ALPK3: variants seen among roughly 807,000 people sequenced by gnomAD.
The protein encoded by ALPK3 is alpha-protein kinase 3.
A neutral mutation model predicts 140.0 loss-of-function variants in ALPK3; 102 were observed. The observed-to-expected ratio is 0.73, with a 90% CI of 0.62 to 0.86. The LOEUF (loss-of-function observed/expected upper bound fraction) is 0.86, where lower values mean the gene tolerates loss of function less well. ALPK3 is among the 40% of genes least tolerant of loss of function. ALPK3 has a pLI of 0.00. For missense variants in ALPK3, 2,254 were observed against 2,208.2 expected (o/e 1.02, Z -0.42); for synonymous variants, 938 against 898.5 (o/e 1.04, Z -0.79).
chr15:84,837,609 A>C (rs1333046283), intron 3 of ALPK3, among the ~76,000 whole-genome samples: 1 of 152,232 alleles, frequency 6.6e-6, no homozygotes, highest in Non-Finnish European at 1.5e-5. Context: ...GTATGTTAGC[A>C]GTCTCATATC....
chr15:84,862,964 C>T (rs1175226529), intron 10 of ALPK3, 49 bp downstream of exon 10: 1 of 1,580,528 alleles, frequency 6.3e-7, no homozygotes. Context: ...CTCACCCCCT[C>T]CCCTTTCCCA....
chr15:84,848,031 C>G (rs973235497), intron 5 of ALPK3, among the ~76,000 whole-genome samples: 3 of 148,510 alleles, frequency 2.0e-5, no homozygotes, highest in African/African-American at 7.5e-5. Context: ...CACTGTACTC[C>G]AGCCTGGGTG....
intron 1 of ALPK3, among the ~76,000 whole-genome samples, chr15:84,820,861 C>T (rs537324173): frequency 3.3e-4 from 50 of 152,124 alleles, no homozygotes; most frequent in Non-Finnish European, 4.4e-4. Flanking sequence ...TGGGCTCCAG[C>T]GATCCTCTTA....
rs757030622 is a variant in ALPK3 at position 84,864,494 on chromosome 15, A to T, written c.4552A>T (p.Thr1518Ser). The T allele has an allele frequency of 1.2e-6, 2 of 1,613,958 alleles. No homozygotes were observed. The highest frequency in any genetic ancestry group is 3.3e-5 in the Admixed American group (2 of 59,996). ...YRPANNIPYA[T>S]LEEDLGKPLE... is the part of the protein sequence containing the mutation. ...GCCTGCAAACAATATCCCATATGCT[A>T]CCCTGGAGGAAGACCTGGGCAAGCC... is the stretch of plus-strand genomic sequence containing the variant. The change falls in exon 12 of 14, where the codon ACC (threonine) becomes TCC (serine). Residue 1518 changes from threonine to serine, a missense_variant. Around this residue, in one of 3 missense-constraint regions of ALPK3, gnomAD observed 2,088 missense variants for 2,022.9 expected, o/e 1.03. Coordinates refer to ENST00000258888, the MANE Select transcript of ALPK3 (RefSeq NM_020778.5).
At position 84,858,202 on chromosome 15, in the gene ALPK3, C is replaced by T. The variant is rs1239685340; in HGVS notation, c.3464C>T (p.Thr1155Ile). 1.9e-6 allele frequency: 3 copies of T among 1,612,730 alleles called. No individual in the cohort carries two copies. Among genetic ancestry groups the T allele is most frequent in the East Asian group, 2.2e-5 (1 of 44,782 alleles). ...GEALTGLPAATPEELALGARR... is the reference protein window; with the variant it reads ...GEALTGLPAAIPEELALGARR... Reference sequence around the variant, plus strand: ...GCTCTGACAGGTCTCCCGGCAGCTACACCTGAGGAACTGGCTCTAGGGGCC... The same window carrying T: ...GCTCTGACAGGTCTCCCGGCAGCTATACCTGAGGAACTGGCTCTAGGGGCC... Residue 1155 changes from threonine (T) to isoleucine (I), a missense_variant, in exon 6 of 14, where the codon ACA becomes ATA. Physicochemically the swap from Thr to Ile is moderately conservative, Grantham distance 89. Around this residue, in one of 3 missense-constraint regions of ALPK3, gnomAD observed 2,088 missense variants for 2,022.9 expected, o/e 1.03. Coordinates refer to ENST00000258888, the MANE Select transcript of ALPK3 (RefSeq NM_020778.5).
Position 84,868,153 on chromosome 15 carries a change from C to A in ALPK3, c.4815C>A (p.Asp1605Glu). ...LKESCFPALLDRFASSHQCNA... is the reference protein window; with the variant it reads ...LKESCFPALLERFASSHQCNA... ...AAAGCTGCTTCCCTGCCCTGCTGGA[C>A]CGGTTCGCCTCCTCCCACCAGTGCA... The change falls in exon 14 of 14, where the codon GAC becomes GAA. Residue 1605 changes from aspartate to glutamate, a missense_variant. By Grantham distance (45) the Asp-to-Glu change is conservative. This residue lies in a region of ALPK3 where 158 missense variants were observed against 159.8 expected (regional missense o/e 0.99). Transcript: ENST00000258888. 6.2e-7 allele frequency: 1 copy of A among 1,613,838 alleles called. No homozygotes were observed. Among genetic ancestry groups the A allele is most frequent in the Non-Finnish European group, 8.5e-7 (1 of 1,179,796 alleles).
chr15:84,839,871 CA>C lies in ALPK3; in HGVS notation c.593del (p.Gln198ArgfsTer30). The C allele has an allele frequency of 6.2e-7, 1 of 1,614,100 alleles. No homozygotes were observed. Among genetic ancestry groups the C allele is most frequent in the Non-Finnish European group, 8.5e-7 (1 of 1,180,026 alleles). ...KAAAKLREIE[Q>X]SWKHEKAVPG... ...TGCGGCAAAGCTGCGCGAGATCGAGCAGAGCTGGAAGCACGAGAAGGCGGTG... is the reference window on the plus strand; with the variant it reads ...TGCGGCAAAGCTGCGCGAGATCGAGCGAGCTGGAAGCACGAGAAGGCGGTG... On this transcript the variant is annotated frameshift_variant, in exon 5 of 14. Coordinates refer to ENST00000258888, the MANE Select transcript of ALPK3 (RefSeq NM_020778.5). LOFTEE classifies it high-confidence loss of function.
chr15:84,841,047 G>A, intron 5 of ALPK3, 115 bp downstream of exon 5: 1 of 1,355,410 alleles, frequency 7.4e-7, no homozygotes, highest in Non-Finnish European at 9.7e-7. Context: ...AAAGGGGTGG[G>A]GAGGGACTGG....
intron 1 of ALPK3, among the ~76,000 whole-genome samples, chr15:84,820,714 T>C (rs1484847592): frequency 1.3e-5 from 2 of 152,196 alleles, no homozygotes; most frequent in Non-Finnish European, 2.9e-5. Flanking sequence ...ACTCCTGACC[T>C]CAGGTGAACT....
intron 3 of ALPK3, among the ~76,000 whole-genome samples, chr15:84,836,311 G>C (rs1251386690): frequency 6.6e-6 from 1 of 152,148 alleles, no homozygotes; most frequent in African/African-American, 2.4e-5. Context: ...TGAACAAAGG[G>C]GTACCATGAT....
At chr15:84,853,059 T>C (rs1963822917) in intron 5 of ALPK3, among the ~76,000 whole-genome samples, 1 of 152,034 alleles carries the variant, frequency 6.6e-6, no homozygotes, top group South Asian at 2.1e-4. Flanking sequence ...TGGCTGAGAG[T>C]GCGTTAGGAG....
At chr15:84,867,081 C>T (rs977012972) in intron 12 of ALPK3, among the ~76,000 whole-genome samples, 5 of 151,946 alleles carry the variant, frequency 3.3e-5, no homozygotes, top group Non-Finnish European at 5.9e-5. Flanking sequence ...TAGTAATAAT[C>T]CAGAGACCTG....
At chr15:84,829,889 T>C (rs1963527328) in intron 3 of ALPK3, among the ~76,000 whole-genome samples, 1 of 152,248 alleles carries the variant, frequency 6.6e-6, no homozygotes, top group African/African-American at 2.4e-5. Flanking sequence ...ATAGTCCGGA[T>C]GGTTGCTGTG....
In ALPK3 at chr15:84,868,226, G is replaced by A; in HGVS notation, c.4888G>A (p.Ala1630Thr). 6.2e-7 allele frequency: 1 copy of A among 1,614,194 alleles called. No individual in the cohort carries two copies. Reference protein sequence around the residue: ...LGLTPLKGPEAAHPQAKAKGS... With the variant: ...LGLTPLKGPETAHPQAKAKGS... ...GCTGACACCTCTCAAGGGCCCGGAG[G>A]CGGCCCACCCCCAAGCCAAAGCCAA... Residue 1630 changes from alanine (A) to threonine (T), a missense_variant, in exon 14 of 14, where the codon GCG becomes ACG. Around this residue, in one of 3 missense-constraint regions of ALPK3, gnomAD observed 158 missense variants for 159.8 expected, o/e 0.99. Coordinates refer to ENST00000258888, the MANE Select transcript of ALPK3 (RefSeq NM_020778.5).
At chr15:84,839,452 T>A in intron 4 of ALPK3, among the ~76,000 whole-genome samples, 1 of 152,250 alleles carries the variant, frequency 6.6e-6, no homozygotes, top group South Asian at 2.1e-4. Flanking sequence ...GGAGCTCTCC[T>A]GGGCCCCAAG....
intron 3 of ALPK3, among the ~76,000 whole-genome samples, chr15:84,831,341 G>A (rs544131860): frequency 2.4e-4 from 36 of 152,190 alleles, no homozygotes; most frequent in African/African-American, 6.7e-4. Flanking sequence ...GTTTTCTGTC[G>A]TCTTACTTTA....
At position 84,857,821 on chromosome 15, in the gene ALPK3, A is replaced by T; in HGVS notation, c.3083A>T (p.Gln1028Leu). Residue 1028 changes from glutamine to leucine, a missense_variant, in exon 6 of 14, where the codon CAG (glutamine) becomes CTG (leucine). By Grantham distance (113) the Gln-to-Leu change is moderately radical. Transcript: ENST00000258888. ...AACAACCACCTGGTGCAGAGTGCACAGACCCTGCTGCTGAGCCCCTGTACC... is the reference window on the plus strand; with the variant it reads ...AACAACCACCTGGTGCAGAGTGCACTGACCCTGCTGCTGAGCCCCTGTACC... ...VENNHLVQSA[Q>L]TLLLSPCTSR... 2 of 1,611,168 alleles carry T rather than the reference A, an allele frequency of 1.2e-6. No individual in the cohort carries two copies. Among genetic ancestry groups the T allele is most frequent in the Non-Finnish European group, 1.7e-6 (2 of 1,178,220 alleles).
At chr15:84,836,626 T>C (rs1192045864) in intron 3 of ALPK3, among the ~76,000 whole-genome samples, 13 of 152,230 alleles carry the variant, frequency 8.5e-5, no homozygotes, top group Non-Finnish European at 1.5e-4. Context: ...TTGTGGGAAC[T>C]GGCTTGGAGG....
In ALPK3 at chr15:84,857,779, T is replaced by C. The variant is rs1172838623; in HGVS notation, c.3041T>C (p.Ile1014Thr). 3 of 1,612,532 alleles carry C rather than the reference T, an allele frequency of 1.9e-6. No individual in the cohort carries two copies. Among genetic ancestry groups the C allele is most frequent in the Non-Finnish European group, 2.5e-6 (3 of 1,178,994 alleles). The change falls in exon 6 of 14, where the codon ATC becomes ACC. Residue 1014 changes from isoleucine to threonine, a missense_variant. Ile to Thr is a moderately conservative substitution (Grantham distance 89, BLOSUM62 -1). This residue lies in a region of ALPK3 where 2,088 missense variants were observed against 2,022.9 expected (regional missense o/e 1.03). Coordinates refer to ENST00000258888, the MANE Select transcript of ALPK3 (RefSeq NM_020778.5). ...CTTAGTCCCCGGACATCGAGGCGCA[T>C]CCTGGAGCGTGTGGAGAACAACCAC... ...AGLSPRTSRR[I>T]LERVENNHLV...
Sources: gnomAD v4.1 joint callset for allele counts (sites outside exome capture counted in the v4.1 genomes callset) on GRCh38, gnomAD v4.1.1 for gene constraint, gnomAD v4.1.1 regional missense constraint, MANE v1.5 for transcripts, NCBI Gene and HGNC (gene_info 2026-07-23, HGNC 2026-07-21) for gene names.